MAF: variants seen among roughly 807,000 people sequenced by gnomAD.
The protein encoded by MAF is MAF bZIP transcription factor.
MAF carries 10 observed loss-of-function variants against 22.0 expected under a neutral mutation model. The ratio of observed to expected loss-of-function variants is 0.45; its 90% CI spans 0.28 to 0.77. The LOEUF is 0.77. Among genes scored for constraint, MAF ranks in the 30% least tolerant of loss-of-function variants. The probability of loss-of-function intolerance (pLI) is 0.12; values close to 1 mark genes in which losing one functional copy is unlikely to be tolerated. For missense variants in MAF, 544 were observed against 548.4 expected, an observed-to-expected ratio of 0.99 and a Z score of 0.08; for synonymous variants, 337 against 255.8, an observed-to-expected ratio of 1.32 and a Z score of -3.03.
At chr16:79,363,941 C>T in the MAF span, among the ~76,000 whole-genome samples, 1 of 152,096 alleles carries the variant, frequency 6.6e-6, no homozygotes, top group Non-Finnish European at 1.5e-5. Flanking sequence ...GAGATGCTAC[C>T]CATCCAGCCT....
the MAF span, among the ~76,000 whole-genome samples, chr16:79,215,637 G>A: frequency 6.6e-6 from 1 of 152,094 alleles, no homozygotes. Context: ...GAGGCCTCGG[G>A]GAACTTTGTA....
rs529173060 is a variant in MAF at position 79,599,450 on chromosome 16, G to A, written c.453C>T (p.Gly151=). The change falls in exon 1 of 2, where the codon GGC becomes GGT. Residue 151 remains glycine, a synonymous_variant. Coordinates refer to ENST00000326043, the MANE Select transcript of MAF (RefSeq NM_005360.5). Reference sequence around the variant, plus strand: ...CGGGGCCCATCTCCTCGCCGCTGCCGCCCAAGGAGGCGCCGGCACCGGCCC... The same window carrying A: ...CGGGGCCCATCTCCTCGCCGCTGCCACCCAAGGAGGCGCCGGCACCGGCCC... ...AAGAGAGASL[G]GSGEEMGPAA... is the part of the protein sequence containing the mutation. 7.7e-7 allele frequency: 1 copy of A among 1,299,112 alleles called. No homozygotes were observed. 80.5% of individuals were successfully genotyped at this position (1,299,112 alleles called of 1,614,324 possible). A position where few individuals can be genotyped will look rare whatever the true frequency, so the allele number is the denominator to read the frequency against.
At chr16:79,531,513 G>A in the MAF span, among the ~76,000 whole-genome samples, 1 of 151,972 alleles carries the variant, frequency 6.6e-6, no homozygotes, top group African/African-American at 2.4e-5. Flanking sequence ...AGAAACAGTG[G>A]GAGAGCTAAG....
the MAF span, among the ~76,000 whole-genome samples, chr16:79,456,316 A>G: frequency 6.6e-6 from 1 of 152,150 alleles, no homozygotes; most frequent in Non-Finnish European, 1.5e-5. Flanking sequence ...CCCTATTTAA[A>G]GCCTCTATGG....
At chr16:79,468,976 T>A in the MAF span, among the ~76,000 whole-genome samples, 1 of 152,126 alleles carries the variant, frequency 6.6e-6, no homozygotes, top group Non-Finnish European at 1.5e-5. Flanking sequence ...TAAAGAGTGA[T>A]GTTGTTTGAC....
the MAF span, among the ~76,000 whole-genome samples, chr16:79,530,305 G>T: frequency 6.6e-6 from 1 of 152,164 alleles, no homozygotes; most frequent in South Asian, 2.1e-4. Context: ...AATGGGCTGG[G>T]GGGTGGACCT....
the MAF span, among the ~76,000 whole-genome samples, chr16:79,291,509 T>C: frequency 0.54 from 81,418 of 151,506 alleles, 24,716 homozygotes; most frequent in Non-Finnish European, 0.67. Flanking sequence ...ACCTTTTCCT[T>C]TTTTCCTTTT....
At chr16:79,419,326 T>C in the MAF span, among the ~76,000 whole-genome samples, 1 of 152,186 alleles carries the variant, frequency 6.6e-6, no homozygotes, top group Non-Finnish European at 1.5e-5. Context: ...GCCTTTGGTG[T>C]CACAATATTT....
the MAF span, among the ~76,000 whole-genome samples, chr16:79,228,557 A>T: frequency 6.6e-6 from 1 of 152,150 alleles, no homozygotes; most frequent in Admixed American, 6.6e-5. Flanking sequence ...GATCTTCCTG[A>T]TCCCTGAGCC....
chr16:79,242,414 T>TA, the MAF span, among the ~76,000 whole-genome samples: 2 of 144,912 alleles, frequency 1.4e-5, no homozygotes, highest in South Asian at 2.2e-4. Flanking sequence ...TAGTCTCTGA[T>TA]AAAAAAAGAC....
the MAF span, chr16:79,212,629 C>T: frequency 2.0e-4 from 30 of 152,630 alleles, no homozygotes; most frequent in Non-Finnish European, 3.1e-4. Context: ...TGCTGTGCCT[C>T]GCATCCTATG....
At chr16:79,449,491 T>C in the MAF span, among the ~76,000 whole-genome samples, 1 of 152,184 alleles carries the variant, frequency 6.6e-6, no homozygotes, top group African/African-American at 2.4e-5. Flanking sequence ...CTTTCTGAGT[T>C]TTACTTACTA....
chr16:79,582,840 G>C (rs1426862607), downstream of MAF, among the ~76,000 whole-genome samples: 2 of 152,158 alleles, frequency 1.3e-5, no homozygotes, highest in Non-Finnish European at 2.9e-5. Flanking sequence ...CCTTCTTGTG[G>C]GTGGGGGATT....
the MAF span, among the ~76,000 whole-genome samples, chr16:79,269,313 C>A: frequency 6.6e-6 from 1 of 152,198 alleles, no homozygotes; most frequent in African/African-American, 2.4e-5. Flanking sequence ...CACCTTCCTC[C>A]TCTCACTCAC....
At chr16:79,316,545 A>G in the MAF span, among the ~76,000 whole-genome samples, 3 of 152,090 alleles carry the variant, frequency 2.0e-5, no homozygotes, top group Non-Finnish European at 2.9e-5. Context: ...TTGCTAAAGC[A>G]TCTTTTTTTT....
the MAF span, among the ~76,000 whole-genome samples, chr16:79,534,074 C>T: frequency 1.3e-5 from 2 of 152,186 alleles, no homozygotes; most frequent in Non-Finnish European, 2.9e-5. Context: ...AAACTACAAT[C>T]CCTTGAGGAA....
the MAF span, among the ~76,000 whole-genome samples, chr16:79,231,823 A>G: frequency 2.0e-5 from 3 of 152,068 alleles, no homozygotes; most frequent in African/African-American, 7.2e-5. Flanking sequence ...ATTACATTGT[A>G]ATATATAATG....
the MAF span, among the ~76,000 whole-genome samples, chr16:79,478,112 C>G: frequency 6.6e-6 from 1 of 152,156 alleles, no homozygotes; most frequent in African/African-American, 2.4e-5. Context: ...GCACCTTGCC[C>G]ACAGCCTCCA....
chr16:79,569,682 C>T, the MAF span, among the ~76,000 whole-genome samples: 1 of 152,088 alleles, frequency 6.6e-6, no homozygotes, highest in African/African-American at 2.4e-5. Flanking sequence ...GTACAGTCAC[C>T]CAGGGAGCTT....
Sources: gnomAD v4.1 joint callset for allele counts (sites outside exome capture counted in the v4.1 genomes callset) on GRCh38, gnomAD v4.1.1 for gene constraint, MANE v1.5 for transcripts, NCBI Gene and HGNC (gene_info 2026-07-23, HGNC 2026-07-21) for gene names.